Variants in ZSCAN21 observed in about 807,000 individuals in gnomAD.
ZSCAN21 encodes the protein zinc finger and SCAN domain-containing protein 21.
In ZSCAN21, 26 loss-of-function variants were observed where a neutral mutation model predicts 35.6. The observed-to-expected ratio is 0.73, with a 90% CI of 0.54 to 1.01. The LOEUF (loss-of-function observed/expected upper bound fraction) is 1.01. Ranked by LOEUF, ZSCAN21 falls within the 50% of genes least tolerant of loss-of-function variation. The probability of loss-of-function intolerance (pLI) is 0.00; values close to 1 mark genes in which losing one functional copy is unlikely to be tolerated. For missense variants in ZSCAN21, 593 were observed against 587.1 expected (o/e 1.01, Z -0.10); for synonymous variants, 219 against 219.3 (o/e 1.00, Z 0.01).
chr7:100,060,059 G>A (rs1262988266), intron 3 of ZSCAN21, among the ~76,000 whole-genome samples: 1 of 152,164 alleles, frequency 6.6e-6, no homozygotes, highest in East Asian at 1.9e-4. Context: ...AAACAAAATA[G>A]AATTTCTAAA....
At chr7:100,063,674 T>G (rs1792463168) in intron 3 of ZSCAN21, 114 bp from the exon 4 acceptor site, 3 of 949,250 alleles carry the variant, frequency 3.2e-6, no homozygotes, top group Admixed American at 5.3e-5. Flanking sequence ...TGAGCTCTGT[T>G]TAGTCACCCT....
rs140321647 is a variant in ZSCAN21, at chr7:100,064,161, C to T, written c.966C>T (p.Leu322=). 12 of 1,613,972 alleles carry T rather than the reference C, an allele frequency of 7.4e-6. No homozygotes were observed. The highest frequency in any genetic ancestry group is 3.3e-5 in the Admixed American group (2 of 59,984). The stretch of plus-strand genomic sequence containing the variant: ...TCAGCCACAGCTCAAACCTCACCCT[C>T]CACTACAGAACACACTTGGTGGACC... ...KAFSHSSNLT[L]HYRTHLVDRP... Residue 322 remains leucine (L), a synonymous_variant, in exon 4 of 4, where the codon CTC becomes CTT. Transcript: ENST00000292450.
intron 1 of ZSCAN21, 112 bp from the exon 2 acceptor site, chr7:100,056,799 G>T: frequency 1.9e-6 from 1 of 516,774 alleles, no homozygotes; most frequent in East Asian, 3.2e-5. Context: ...GTTTTTGTAT[G>T]GTAGTTTTAT....
Position 100,064,624 on chromosome 7 carries a change from A to G in ZSCAN21, c.*7A>G, listed in dbSNP as rs372940343. The G allele has an allele frequency of 7.4e-6, 12 of 1,611,940 alleles. No homozygotes were observed. In the African/African-American group the frequency reaches 1.5e-4, roughly 20 times the overall value. ...AGAGGGAGAAGCACCGTAACTTTCA[A>G]GCGCTCCTGTTGTTGTCGTTGTTTT... is the stretch of plus-strand genomic sequence containing the variant. On this transcript the variant is annotated 3_prime_UTR_variant, in exon 4 of 4. Coordinates refer to ENST00000292450, the MANE Select transcript of ZSCAN21 (RefSeq NM_145914.3).
intron 3 of ZSCAN21, among the ~76,000 whole-genome samples, chr7:100,062,277 T>C (rs1419369733): frequency 6.7e-6 from 1 of 149,640 alleles, no homozygotes; most frequent in Non-Finnish European, 1.5e-5. Context: ...GAGGCTCAAC[T>C]GTTCTTTTTT....
intron 1 of ZSCAN21, among the ~76,000 whole-genome samples, chr7:100,053,528 T>TACATACAC (rs764984140): frequency 1.4e-5 from 2 of 142,900 alleles, no homozygotes; most frequent in Non-Finnish European, 3.1e-5. Flanking sequence ...CTTACATACA[T>TACATACAC]ACATACATAC....
intron 1 of ZSCAN21, among the ~76,000 whole-genome samples, chr7:100,052,713 A>T (rs1299148878): frequency 6.6e-6 from 1 of 152,044 alleles, no homozygotes; most frequent in Non-Finnish European, 1.5e-5. Flanking sequence ...TATAGATGGT[A>T]ATTAAAACCA....
chr7:100,064,110 C>T lies in ZSCAN21; in HGVS notation c.915C>T (p.Tyr305=), dbSNP rs143431014. 3.5e-5 allele frequency: 57 copies of T among 1,613,810 alleles called. No homozygotes were observed. The Middle Eastern group carries it at 9.9e-4, about 28-fold the overall frequency. The stretch of plus-strand genomic sequence containing the variant: ...GAACACACACTGGGGAGAAACCTTA[C>T]GTGTGCACCAAGTGTGGGAAAGCTT... ...HRRTHTGEKP[Y]VCTKCGKAFS... Residue 305 remains tyrosine (Y), a synonymous_variant, in exon 4 of 4, where the codon TAC becomes TAT. Transcript: ENST00000292450.
chr7:100,064,274 A>G lies in ZSCAN21; in HGVS notation c.1079A>G (p.Tyr360Cys), dbSNP rs951272294. 54 of 1,614,182 alleles carry G rather than the reference A, an allele frequency of 3.3e-5. No individual in the cohort carries two copies. In the East Asian group the frequency reaches 1.2e-3, roughly 35 times the overall value. ...AGAATGCACACAGAAGAGGCGCCAT[A>G]TCAGTGCAAAGATTGTGGCAAGGCT... ...HQRMHTEEAP[Y>C]QCKDCGKAFS... The change falls in exon 4 of 4, where the codon TAT becomes TGT. Residue 360 changes from tyrosine (Y) to cysteine (C), a missense_variant. Transcript: ENST00000292450.
At chr7:100,062,278 GTTCT>G (rs1239977863) in intron 3 of ZSCAN21, among the ~76,000 whole-genome samples, 10 of 128,790 alleles carry the variant, frequency 7.8e-5, no homozygotes, top group Non-Finnish European at 1.6e-4. Context: ...AGGCTCAACT[GTTCT>G]TTTTTTTTTT....
At chr7:100,057,618 C>A (rs1337498471) in intron 2 of ZSCAN21, 80 bp from the exon 3 acceptor site, 1 of 1,411,506 alleles carries the variant, frequency 7.1e-7, no homozygotes, top group Non-Finnish European at 9.6e-7. Context: ...CCTAGAGGTT[C>A]TATGTAGCTC....
intron 3 of ZSCAN21, among the ~76,000 whole-genome samples, chr7:100,062,915 C>T (rs1360099129): frequency 6.6e-6 from 1 of 152,190 alleles, no homozygotes; most frequent in East Asian, 1.9e-4. Flanking sequence ...AAGATAGGGT[C>T]TCACTCTGTT....
chr7:100,055,162 G>A (rs990803368), intron 1 of ZSCAN21, among the ~76,000 whole-genome samples: 3 of 151,854 alleles, frequency 2.0e-5, no homozygotes, highest in African/African-American at 7.3e-5. Context: ...CACCATGTTG[G>A]CCAGGCTGGT....
At chr7:100,053,545 A>ACATACATAC (rs1554357976) in intron 1 of ZSCAN21, among the ~76,000 whole-genome samples, 3 of 130,380 alleles carry the variant, frequency 2.3e-5, no homozygotes, top group African/African-American at 6.2e-5. Flanking sequence ...ATACATACAT[A>ACATACATAC]ATTTTTTTTT....
intron 1 of ZSCAN21, among the ~76,000 whole-genome samples, chr7:100,055,269 T>C (rs569694232): frequency 2.0e-5 from 3 of 151,568 alleles, no homozygotes; most frequent in African/African-American, 7.3e-5. Flanking sequence ...CAGTTTGTTT[T>C]GTTTTTATTT....
rs1792097142 is a variant in ZSCAN21, at chr7:100,057,041, T to G, written c.35T>G (p.Leu12Arg). Residue 12 changes from leucine to arginine, a missense_variant, in exon 2 of 4, where the codon CTG (leucine) becomes CGG (arginine). Coordinates refer to ENST00000292450, the MANE Select transcript of ZSCAN21 (RefSeq NM_145914.3). ...AAGGTACTAGGCATGGCCCCAGTTC[T>G]GGGCCCTAGGCCTCCACAGGAGCAG... is the stretch of plus-strand genomic sequence containing the variant. ...MTKVLGMAPV[L>R]GPRPPQEQVG... 3 of 1,613,610 alleles carry G rather than the reference T, an allele frequency of 1.9e-6. No individual in the cohort carries two copies. The highest frequency in any genetic ancestry group is 2.5e-6 in the Non-Finnish European group (3 of 1,179,846).
In ZSCAN21 at chr7:100,051,178, C is replaced by CAAAAAAAAAAAAAAAAAAAA. The variant is rs369246193; in HGVS notation, c.-97+1343_-97+1362dup. Among the ~76,000 whole-genome samples, 82 of 41,360 alleles carry CAAAAAAAAAAAAAAAAAAAA rather than the reference C, an allele frequency of 2.0e-3. 5 individuals carry two copies. Among genetic ancestry groups the CAAAAAAAAAAAAAAAAAAAA allele is most frequent in the Non-Finnish European group, 2.7e-3 (62 of 23,132 alleles). The allele number at this position is 41,360 out of a possible 152,430, so 27.1% of individuals were successfully genotyped here. ...GGGAAACAAGAGTGAAACTACGTCT[C>CAAAAAAAAAAAAAAAAAAAA]AAAAAAAAAAAAAAAAAAAAAAAAA... On this transcript the variant is annotated intron_variant, in intron 1 of 3. Coordinates refer to ENST00000292450, the MANE Select transcript of ZSCAN21 (RefSeq NM_145914.3).
chr7:100,062,348 C>T (rs866338243), intron 3 of ZSCAN21, among the ~76,000 whole-genome samples: 4 of 139,952 alleles, frequency 2.9e-5, no homozygotes, highest in Non-Finnish European at 6.1e-5. Context: ...CCCAGCACTT[C>T]GGGAGGCTGA....
At chr7:100,053,546 A>ATACATACATAT (rs755978112) in intron 1 of ZSCAN21, among the ~76,000 whole-genome samples, 2 of 79,488 alleles carry the variant, frequency 2.5e-5, no homozygotes, top group Admixed American at 1.2e-4. Flanking sequence ...TACATACATA[A>ATACATACATAT]TTTTTTTTTT....
Sources: allele counts gnomAD v4.1 joint callset (sites outside exome capture counted in the v4.1 genomes callset), GRCh38; gene constraint gnomAD v4.1.1; transcripts MANE v1.5; gene names NCBI Gene and HGNC (gene_info 2026-07-23, HGNC 2026-07-21).